Variants in TMEM170B observed in about 807,000 individuals in gnomAD.
TMEM170B encodes the protein transmembrane protein 170B.
TMEM170B carries 6 observed loss-of-function variants against 13.0 expected under a neutral mutation model. The observed-to-expected ratio is 0.46, with a 90% CI of 0.25 to 0.91. The LOEUF is 0.91. Ranked by LOEUF, TMEM170B falls within the 40% of genes least tolerant of loss-of-function variation. The probability of loss-of-function intolerance (pLI) is 0.17; values close to 1 mark genes in which losing one functional copy is unlikely to be tolerated. For synonymous variants in TMEM170B, 61 were observed against 64.9 expected, an observed-to-expected ratio of 0.94 and a Z score of 0.29; for missense variants, 138 against 165.2, an observed-to-expected ratio of 0.84 and a Z score of 0.90.
chr6:11,567,217 A>C (rs979641935), intron 2 of TMEM170B, among the ~76,000 whole-genome samples: 1 of 152,174 alleles, frequency 6.6e-6, no homozygotes, highest in African/African-American at 2.4e-5. Flanking sequence ...AGCGTGCCAC[A>C]TCTACTTGCT....
Position 11,564,470 on chromosome 6 carries a change from A to C in TMEM170B, c.98-1196A>C, listed in dbSNP as rs372967675. Among the ~76,000 whole-genome samples, 8 of 152,366 alleles carry C rather than the reference A, an allele frequency of 5.3e-5. No homozygotes were observed. The East Asian group carries it at 5.8e-4, about 11-fold the overall frequency. On this transcript the variant is annotated intron_variant, in intron 1 of 2. Coordinates refer to ENST00000379426, the MANE Select transcript of TMEM170B (RefSeq NM_001100829.3). ...ACAATTGATAGTGACTACCTAGCCC[A>C]AATCACAGATGAGATACTTTGTATT...
rs755186435 is a variant in TMEM170B, at chr6:11,575,756, T to C, written c.*195T>C. 2.9e-5 allele frequency: 16 copies of C among 550,092 alleles called. No homozygotes were observed. Among genetic ancestry groups the C allele is most frequent in the African/African-American group, 2.3e-4 (12 of 52,756 alleles). The allele number at this position is 550,092 out of a possible 1,614,324, so 34.1% of individuals were successfully genotyped here. ...GATTGCACTACCGCACTGCACCTTA[T>C]GTGCCTCTGTCTCAGGCAAGGTGCA... On this transcript the variant is annotated 3_prime_UTR_variant, in exon 3 of 3. Coordinates refer to ENST00000379426, the MANE Select transcript of TMEM170B (RefSeq NM_001100829.3). The surrounding 1 kb of genome is among the most constrained non-coding windows in gnomAD (Gnocchi z 4.1).
At chr6:11,541,293 G>C (rs1269672655) in intron 1 of TMEM170B, among the ~76,000 whole-genome samples, 1 of 152,202 alleles carries the variant, frequency 6.6e-6, no homozygotes, top group East Asian at 1.9e-4. Flanking sequence ...TGGAATATCT[G>C]TTGTTTGGGG....
intron 1 of TMEM170B, 92 bp downstream of exon 1, chr6:11,538,466 C>A: frequency 1.0e-6 from 1 of 966,838 alleles, no homozygotes; most frequent in Non-Finnish European, 1.5e-6. Flanking sequence ...CTCGCCGCCC[C>A]ACCCCCGTGC....
intron 1 of TMEM170B, among the ~76,000 whole-genome samples, chr6:11,559,837 A>G (rs1289575321): frequency 6.6e-6 from 1 of 151,962 alleles, no homozygotes; most frequent in Non-Finnish European, 1.5e-5. Context: ...AAGAAAAAAT[A>G]TATATATAAA....
chr6:11,572,961 A>T (rs1759824920), intron 2 of TMEM170B, among the ~76,000 whole-genome samples: 2 of 151,968 alleles, frequency 1.3e-5, no homozygotes, highest in Non-Finnish European at 2.9e-5. Flanking sequence ...CATGGTATGG[A>T]CTTCATATAG....
chr6:11,573,912 A>C (rs1490286325), intron 2 of TMEM170B, among the ~76,000 whole-genome samples: 20 of 152,180 alleles, frequency 1.3e-4, no homozygotes, highest in Non-Finnish European at 1.5e-5. Context: ...TGGATATGTG[A>C]CCAATTATAC....
chr6:11,572,209 G>A (rs928747066), intron 2 of TMEM170B, among the ~76,000 whole-genome samples: 3 of 152,162 alleles, frequency 2.0e-5, no homozygotes, highest in Non-Finnish European at 4.4e-5. Context: ...GCTAGGGGTC[G>A]TAGACAAGAA....
intron 1 of TMEM170B, among the ~76,000 whole-genome samples, chr6:11,562,572 G>GT (rs1486887542): frequency 6.6e-6 from 1 of 151,674 alleles, no homozygotes; most frequent in Non-Finnish European, 1.5e-5. Context: ...CTATTCTTTC[G>GT]TTTTTTAAGA....
intron 1 of TMEM170B, among the ~76,000 whole-genome samples, chr6:11,542,904 A>G (rs77130848): frequency 1.4e-3 from 210 of 152,304 alleles, no homozygotes; most frequent in Non-Finnish European, 2.2e-3. Flanking sequence ...TAACTCTTCA[A>G]AGTACATTTG....
At chr6:11,561,309 T>C (rs1334328420) in intron 1 of TMEM170B, among the ~76,000 whole-genome samples, 1 of 152,154 alleles carries the variant, frequency 6.6e-6, no homozygotes, top group Non-Finnish European at 1.5e-5. Flanking sequence ...TGCTAGAAGC[T>C]TGGATGAGGT....
intron 1 of TMEM170B, among the ~76,000 whole-genome samples, chr6:11,554,689 G>A (rs1259572185): frequency 6.6e-6 from 1 of 152,008 alleles, no homozygotes; most frequent in Non-Finnish European, 1.5e-5. Flanking sequence ...CAAGCAAAAG[G>A]GTAATTTGGT....
chr6:11,551,234 AAC>A (rs1197144900), intron 1 of TMEM170B, among the ~76,000 whole-genome samples: 1 of 152,180 alleles, frequency 6.6e-6, no homozygotes, highest in Non-Finnish European at 1.5e-5. Flanking sequence ...CATAGACACA[AAC>A]ACACAGTAAG....
intron 1 of TMEM170B, among the ~76,000 whole-genome samples, chr6:11,556,262 T>G (rs1759585386): frequency 6.6e-6 from 1 of 152,208 alleles, no homozygotes; most frequent in Non-Finnish European, 1.5e-5. Context: ...TTAATCTACT[T>G]AGGAGTTGAG....
In TMEM170B at chr6:11,539,009, G is replaced by A. The variant is rs73357826; in HGVS notation, c.97+635G>A. On this transcript the variant is annotated intron_variant, in intron 1 of 2. Transcript: ENST00000379426. ...GTCTCTTTCCCTCAGGCCTCCAGCT[G>A]CTGCTTCTGAGACATTTGATAATTT... Among the ~76,000 whole-genome samples the A allele has an allele frequency of 3.3e-3, 495 of 152,248 alleles. 5 individuals are homozygous for A. Among genetic ancestry groups the A allele is most frequent in the African/African-American group, 0.011 (465 of 41,538 alleles).
intron 1 of TMEM170B, among the ~76,000 whole-genome samples, chr6:11,547,486 T>C (rs1384121343): frequency 6.6e-6 from 1 of 152,214 alleles, no homozygotes; most frequent in Non-Finnish European, 1.5e-5. Flanking sequence ...TATGCTACTT[T>C]TCAGTATTTG....
At chr6:11,539,535 T>G (rs1759331526) in intron 1 of TMEM170B, among the ~76,000 whole-genome samples, 1 of 152,206 alleles carries the variant, frequency 6.6e-6, no homozygotes, top group Non-Finnish European at 1.5e-5. Flanking sequence ...AAGACAACTT[T>G]AAGGACACTG....
At chr6:11,554,029 T>C (rs1237070738) in intron 1 of TMEM170B, among the ~76,000 whole-genome samples, 1 of 152,156 alleles carries the variant, frequency 6.6e-6, no homozygotes, top group Non-Finnish European at 1.5e-5. Flanking sequence ...TGACTTTGCA[T>C]TATTTGCAGT....
chr6:11,549,490 C>T (rs188943437), intron 1 of TMEM170B, among the ~76,000 whole-genome samples: 1,620 of 151,842 alleles, frequency 0.011, 10 homozygotes, highest in Middle Eastern at 0.02. Flanking sequence ...GGTGAAACCC[C>T]GTCTCTACTA....
Sources: gnomAD v4.1 joint callset for allele counts (sites outside exome capture counted in the v4.1 genomes callset) on GRCh38, gnomAD v4.1.1 for gene constraint, Gnocchi (gnomAD v3.1) non-coding constraint, MANE v1.5 for transcripts, NCBI Gene and HGNC (gene_info 2026-07-23, HGNC 2026-07-21) for gene names.